Variants in ARMH3 observed in about 807,000 individuals in gnomAD.
The protein encoded by ARMH3 is armadillo like helical domain containing 3.
ARMH3 carries 60 observed loss-of-function variants against 99.1 expected under a neutral mutation model. That is an observed-to-expected ratio of 0.61 (90% confidence interval 0.49 to 0.75). The LOEUF is 0.75. ARMH3 is among the 30% of genes least tolerant of loss of function. The pLI is 0.00. For missense variants in ARMH3, 679 were observed against 843.1 expected, an observed-to-expected ratio of 0.81 and a Z score of 2.41; for synonymous variants, 285 against 292.8, an observed-to-expected ratio of 0.97 and a Z score of 0.27.
intron 24 of ARMH3, among the ~76,000 whole-genome samples, chr10:101,858,308 C>G (rs2135298210): frequency 6.6e-6 from 1 of 152,284 alleles, no homozygotes; most frequent in South Asian, 2.1e-4. Context: ...GGACTCATAT[C>G]CTATCTTCAC....
At chr10:102,010,060 G>T (rs950682575) in intron 11 of ARMH3, 37 bp from the exon 12 acceptor site, 1 of 1,583,846 alleles carries the variant, frequency 6.3e-7, no homozygotes, top group Non-Finnish European at 8.7e-7. Context: ...CTTATAGCAG[G>T]AGGATATGAG....
rs1401343109 is a variant in ARMH3, at chr10:101,951,108, G to T, written c.1705+5489C>A. 2.0e-5 allele frequency among the ~76,000 whole-genome samples: 3 copies of T among 152,274 alleles called. No individual in the cohort carries two copies. The East Asian group carries it at 5.8e-4, about 29-fold the overall frequency. Reference sequence around the variant, plus strand: ...GATAAATCTAATAGAATATATGCAAGATTTTCATGTTGTAAAAACAACAAA... The same window carrying T: ...GATAAATCTAATAGAATATATGCAATATTTTCATGTTGTAAAAACAACAAA... On this transcript the variant is annotated intron_variant, in intron 22 of 25. Transcript: ENST00000370033.
intron 23 of ARMH3, among the ~76,000 whole-genome samples, chr10:101,918,190 A>G (rs949435571): frequency 9.9e-5 from 15 of 152,190 alleles, no homozygotes; most frequent in Non-Finnish European, 1.9e-4. Context: ...AGTAGCTGGG[A>G]CTACAGGTGT....
chr10:101,971,914 T>C (rs1475161331), intron 20 of ARMH3, among the ~76,000 whole-genome samples: 1 of 152,224 alleles, frequency 6.6e-6, no homozygotes, highest in Non-Finnish European at 1.5e-5. Flanking sequence ...GCTTTCAAAC[T>C]TTCTATATGT....
chr10:101,861,257 C>T (rs546633799), intron 24 of ARMH3, among the ~76,000 whole-genome samples: 153 of 152,142 alleles, frequency 1.0e-3, no homozygotes, highest in Non-Finnish European at 1.7e-3. Flanking sequence ...CATTGCTTGC[C>T]AGAAAATATG....
At chr10:101,877,573 T>C (rs1210263306) in intron 24 of ARMH3, among the ~76,000 whole-genome samples, 1 of 152,188 alleles carries the variant, frequency 6.6e-6, no homozygotes, top group Non-Finnish European at 1.5e-5. Flanking sequence ...GGAGAATCGC[T>C]TGAACCCGGG....
chr10:101,902,343 T>C (rs2135503055), intron 23 of ARMH3, among the ~76,000 whole-genome samples: 2 of 152,278 alleles, frequency 1.3e-5, no homozygotes, highest in South Asian at 4.1e-4. Context: ...ATATGTCTAT[T>C]ACTCAGAGGA....
At chr10:101,860,525 G>A (rs2066842332) in intron 24 of ARMH3, among the ~76,000 whole-genome samples, 4 of 152,124 alleles carry the variant, frequency 2.6e-5, no homozygotes, top group Non-Finnish European at 1.5e-5. Flanking sequence ...GTTTGGGGAG[G>A]CAGACTATCA....
intron 19 of ARMH3, among the ~76,000 whole-genome samples, chr10:101,979,230 C>T (rs928213100): frequency 2.0e-5 from 3 of 152,092 alleles, no homozygotes; most frequent in Admixed American, 2.0e-4. Flanking sequence ...GTCTAAACAA[C>T]CCAAATGTCT....
At chr10:101,992,184 T>C in intron 17 of ARMH3, 146 bp from the exon 18 acceptor site, 1 of 714,238 alleles carries the variant, frequency 1.4e-6, no homozygotes, top group Non-Finnish European at 2.4e-6. Context: ...GGGAGAGGAA[T>C]GAGGTAGCAT....
At position 101,875,844 on chromosome 10, in the gene ARMH3, T is replaced by C. The variant is rs76551106; in HGVS notation, c.1860+13568A>G. Among the ~76,000 whole-genome samples the C allele has an allele frequency of 4.0e-3, 606 of 152,280 alleles. 9 individuals are homozygous for C. Among genetic ancestry groups the C allele is most frequent in the African/African-American group, 0.013 (560 of 41,550 alleles). ...AGACACCCCTTGTGAAGCTTTTTTC[T>C]TTTTTTCACTAATTACAGATCCAAC... On this transcript the variant is annotated intron_variant, in intron 24 of 25. Transcript: ENST00000370033.
intron 24 of ARMH3, among the ~76,000 whole-genome samples, chr10:101,875,214 T>G (rs982191169): frequency 6.6e-6 from 1 of 151,476 alleles, no homozygotes; most frequent in East Asian, 1.9e-4. Flanking sequence ...CACAACACTT[T>G]AGTAGCCCAA....
chr10:102,005,338 A>G (rs905118163), intron 14 of ARMH3, among the ~76,000 whole-genome samples: 2 of 148,412 alleles, frequency 1.3e-5, no homozygotes, highest in Admixed American at 6.8e-5. Flanking sequence ...AGCCGAGATC[A>G]CACTACCACA....
At chr10:101,869,802 G>C (rs966026869) in intron 24 of ARMH3, among the ~76,000 whole-genome samples, 1 of 152,200 alleles carries the variant, frequency 6.6e-6, no homozygotes, top group Non-Finnish European at 1.5e-5. Context: ...AGAGGCTGAG[G>C]GGGGTGGATC....
chr10:101,939,459 T>G (rs1375828347), intron 23 of ARMH3, among the ~76,000 whole-genome samples: 1 of 152,194 alleles, frequency 6.6e-6, no homozygotes, highest in Non-Finnish European at 1.5e-5. Flanking sequence ...TGCCTCTGTT[T>G]ACCATAAATA....
chr10:102,009,226 A>G (rs758234215), intron 13 of ARMH3, 148 bp downstream of exon 13: 21 of 718,726 alleles, frequency 2.9e-5, no homozygotes, highest in Non-Finnish European at 4.5e-5. Context: ...ACAGCAGGAA[A>G]CAAAGGCAAC....
intron 21 of ARMH3, 33 bp from the exon 22 acceptor site, chr10:101,956,756 T>A (rs750548956): frequency 2.5e-6 from 4 of 1,608,856 alleles, no homozygotes; most frequent in Non-Finnish European, 2.5e-6. Context: ...TATATAGGCA[T>A]CAGGCTATGA....
intron 22 of ARMH3, among the ~76,000 whole-genome samples, chr10:101,950,493 C>T (rs571775905): frequency 2.0e-5 from 3 of 152,316 alleles, no homozygotes; most frequent in Admixed American, 6.5e-5. Flanking sequence ...AAAATTTGTA[C>T]ATGGATGCTC....
chr10:102,033,825 G>C (rs936570434), intron 2 of ARMH3, among the ~76,000 whole-genome samples: 1 of 152,166 alleles, frequency 6.6e-6, no homozygotes, highest in Non-Finnish European at 1.5e-5. Flanking sequence ...GGAAAACTGT[G>C]TGCATGGATA....
Sources: allele counts gnomAD v4.1 joint callset (sites outside exome capture counted in the v4.1 genomes callset), GRCh38; gene constraint gnomAD v4.1.1; transcripts MANE v1.5; gene names NCBI Gene and HGNC (gene_info 2026-07-23, HGNC 2026-07-21).